IDE: variants seen among roughly 807,000 people sequenced by gnomAD.
IDE encodes the protein insulin degrading enzyme, also known as insulin-degrading enzyme.
A neutral mutation model predicts 133.2 loss-of-function variants in IDE; 58 were observed. That is an observed-to-expected ratio of 0.44 (90% CI 0.35 to 0.54). IDE has a LOEUF of 0.54. IDE is among the 20% of genes least tolerant of loss of function. IDE has a pLI of 0.00. For synonymous variants in IDE, 396 were observed against 421.3 expected, an observed-to-expected ratio of 0.94 and a Z score of 0.73; for missense variants, 981 against 1,234.0, an observed-to-expected ratio of 0.79 and a Z score of 3.07.
rs1841920623 is a variant in IDE, at chr10:92,535,034, T to C, written c.284-249A>G. Among the ~76,000 whole-genome samples, 3 of 152,184 alleles carry C rather than the reference T, an allele frequency of 2.0e-5. No individual in the cohort carries two copies. The South Asian group carries it at 6.2e-4, about 32-fold the overall frequency. ...TTACTTAGTGTCTCTGAACATTAGT[T>C]TCCCCACATGCCGGAGAGGAAGAAA... is the stretch of plus-strand genomic sequence containing the variant. On this transcript the variant is annotated intron_variant, in intron 2 of 24. Transcript: ENST00000265986.
At chr10:92,543,654 G>T (rs1842410893) in intron 1 of IDE, among the ~76,000 whole-genome samples, 1 of 152,174 alleles carries the variant, frequency 6.6e-6, no homozygotes, top group Admixed American at 6.5e-5. Context: ...AAGTAGGGTG[G>T]TTGCAATTTA....
intron 5 of IDE, among the ~76,000 whole-genome samples, chr10:92,514,005 T>C (rs1233600801): frequency 6.6e-6 from 1 of 152,236 alleles, no homozygotes; most frequent in East Asian, 1.9e-4. Context: ...TTTGCAATTA[T>C]AAAATCAGTA....
At chr10:92,532,372 A>T (rs1381065999) in intron 3 of IDE, among the ~76,000 whole-genome samples, 14 of 152,032 alleles carry the variant, frequency 9.2e-5, no homozygotes, top group Non-Finnish European at 2.1e-4. Flanking sequence ...CAGGCACCTT[A>T]GGACAAACAA....
At chr10:92,464,810 C>A (rs1845585759) in intron 20 of IDE, among the ~76,000 whole-genome samples, 1 of 152,180 alleles carries the variant, frequency 6.6e-6, no homozygotes, top group African/African-American at 2.4e-5. Context: ...GCTGGGATTA[C>A]AGGCATGCAC....
At chr10:92,568,649 C>T (rs910225108) in intron 1 of IDE, among the ~76,000 whole-genome samples, 3 of 151,918 alleles carry the variant, frequency 2.0e-5, no homozygotes, top group Non-Finnish European at 4.4e-5. Context: ...AACCCCATGT[C>T]TACTAAAAAT....
At chr10:92,553,479 G>T (rs767828916) in intron 1 of IDE, among the ~76,000 whole-genome samples, 1 of 150,386 alleles carries the variant, frequency 6.6e-6, no homozygotes, top group Non-Finnish European at 1.5e-5. Context: ...AAAGAAGAGA[G>T]AATACCTCCA....
chr10:92,568,051 T>C (rs565127414), intron 1 of IDE, among the ~76,000 whole-genome samples: 22 of 152,376 alleles, frequency 1.4e-4, no homozygotes, highest in African/African-American at 5.0e-4. Flanking sequence ...TCAAATCCTA[T>C]GTTCTCTGCA....
At chr10:92,461,303 C>G in intron 21 of IDE, 51 bp from the exon 22 acceptor site, 1 of 873,856 alleles carries the variant, frequency 1.1e-6, no homozygotes, top group Non-Finnish European at 1.9e-6. Flanking sequence ...ATGAAGCAGC[C>G]CAGAACAGTA....
In IDE at chr10:92,477,156, C is replaced by CT. The variant is rs1846305006; in HGVS notation, c.1885-1163_1885-1162insA. Among the ~76,000 whole-genome samples the CT allele has an allele frequency of 3.0e-5, 4 of 135,462 alleles. No individual in the cohort carries two copies. The South Asian group carries it at 1.1e-3, about 37-fold the overall frequency. The allele number at this position is 135,462 out of a possible 152,430, so 88.9% of individuals were successfully genotyped here. ...GTATCATCAGGACCTTGGCTTAGCA[C>CT]ATTTTTTTTTTTCTGAGACAGGGTC... On this transcript the variant is annotated intron_variant, in intron 15 of 24. Coordinates refer to ENST00000265986, the MANE Select transcript of IDE (RefSeq NM_004969.4).
intron 1 of IDE, among the ~76,000 whole-genome samples, chr10:92,544,403 G>C (rs114141262): frequency 2.4e-4 from 37 of 152,172 alleles, no homozygotes; most frequent in African/African-American, 7.9e-4. Context: ...CTCCAAATGA[G>C]AAACAAAAGC....
intron 1 of IDE, among the ~76,000 whole-genome samples, chr10:92,570,017 G>A (rs1471163115): frequency 6.6e-6 from 1 of 151,872 alleles, no homozygotes; most frequent in East Asian, 1.9e-4. Context: ...GGCTGAGGCA[G>A]AAGAATCACT....
intron 1 of IDE, among the ~76,000 whole-genome samples, chr10:92,555,263 T>C (rs572780969): frequency 6.6e-6 from 1 of 152,114 alleles, no homozygotes; most frequent in South Asian, 2.1e-4. Flanking sequence ...CTTTGGGAGC[T>C]GAGATGGGGG....
chr10:92,534,912 T>C (rs1167022171), intron 2 of IDE, 127 bp from the exon 3 acceptor site: 2 of 657,144 alleles, frequency 3.0e-6, no homozygotes, highest in South Asian at 3.8e-5. Flanking sequence ...AAGCACAAGC[T>C]ACCTAAAATG....
At position 92,508,091 on chromosome 10, in the gene IDE, A is replaced by G. The variant is rs746930459; in HGVS notation, c.1153+22T>C. On this transcript the variant is annotated intron_variant, in intron 8 of 24. Coordinates refer to ENST00000265986, the MANE Select transcript of IDE (RefSeq NM_004969.4). ...AGAAAGTAAATTTTCATTCAAAAGT[A>G]AAAAGGTGAATCAATACTTACATAA... 22 of 1,520,056 alleles carry G rather than the reference A, an allele frequency of 1.4e-5. No individual in the cohort carries two copies. In the South Asian group the frequency reaches 1.7e-4, roughly 12 times the overall value. The allele number at this position is 1,520,056 out of a possible 1,614,324, so 94.2% of individuals were successfully genotyped here. A position where few individuals can be genotyped will look rare whatever the true frequency, so the allele number is the denominator to read the frequency against.
intron 4 of IDE, among the ~76,000 whole-genome samples, chr10:92,524,985 G>A (rs1222754818): frequency 6.6e-6 from 1 of 151,484 alleles, no homozygotes; most frequent in Non-Finnish European, 1.5e-5. Flanking sequence ...ACAGGGTCAG[G>A]TGTAATGGCT....
At chr10:92,532,128 T>C (rs186876212) in intron 3 of IDE, among the ~76,000 whole-genome samples, 13 of 150,982 alleles carry the variant, frequency 8.6e-5, no homozygotes, top group Non-Finnish European at 1.6e-4. Context: ...TGCAGAGGAG[T>C]TGATCTACCC....
chr10:92,478,920 C>T, intron 15 of IDE: 1 of 322,582 alleles, frequency 3.1e-6, no homozygotes, highest in Non-Finnish European at 4.9e-6. Flanking sequence ...ATATGCCAAC[C>T]TTAGGTTTTA....
intron 5 of IDE, among the ~76,000 whole-genome samples, 171 bp downstream of exon 5, chr10:92,514,749 T>C (rs1166732589): frequency 1.3e-5 from 2 of 152,202 alleles, no homozygotes; most frequent in African/African-American, 4.8e-5. Flanking sequence ...GGGAACACAA[T>C]GATTTAAACA....
intron 1 of IDE, among the ~76,000 whole-genome samples, chr10:92,540,167 C>T (rs934682076): frequency 6.6e-6 from 1 of 151,538 alleles, no homozygotes; most frequent in African/African-American, 2.4e-5. Flanking sequence ...TGCTTGAACC[C>T]GGGAGGCAGA....
Sources: allele counts gnomAD v4.1 joint callset (sites outside exome capture counted in the v4.1 genomes callset), GRCh38; gene constraint gnomAD v4.1.1; transcripts MANE v1.5; gene names NCBI Gene and HGNC (gene_info 2026-07-23, HGNC 2026-07-21).